SCD5: variants seen among roughly 807,000 people sequenced by gnomAD.
SCD5 encodes stearoyl-CoA desaturase 5, also known as acyl-CoA-desaturase 4.
A neutral mutation model predicts 30.4 loss-of-function variants in SCD5; 20 were observed. The observed-to-expected ratio is 0.66, with a 90% CI of 0.46 to 0.96. The LOEUF (loss-of-function observed/expected upper bound fraction) is 0.96, where lower values mean the gene tolerates loss of function less well. SCD5 is among the 40% of genes least tolerant of loss of function. SCD5 has a pLI of 0.00. For synonymous variants in SCD5, 173 were observed against 176.4 expected, an observed-to-expected ratio of 0.98 and a Z score of 0.16; for missense variants, 381 against 443.3, an observed-to-expected ratio of 0.86 and a Z score of 1.26.
At chr4:82,689,236 G>A (rs1578022335) in intron 2 of SCD5, among the ~76,000 whole-genome samples, 1 of 152,208 alleles carries the variant, frequency 6.6e-6, no homozygotes, top group Non-Finnish European at 1.5e-5. Flanking sequence ...TGCCGGAAAG[G>A]AAGTGCTTAA....
At chr4:82,796,584 G>GT (rs1260220046) in intron 1 of SCD5, among the ~76,000 whole-genome samples, 3 of 152,178 alleles carry the variant, frequency 2.0e-5, no homozygotes, top group Admixed American at 2.0e-4. Flanking sequence ...CTCAGAGGCT[G>GT]TAAGAAGTGG....
chr4:82,747,904 T>A (rs895615299), intron 1 of SCD5, among the ~76,000 whole-genome samples: 1 of 152,112 alleles, frequency 6.6e-6, no homozygotes, highest in Non-Finnish European at 1.5e-5. Flanking sequence ...TTCAGACCTA[T>A]GGAATCAGGA....
chr4:82,737,746 CAG>C (rs2148837803), intron 1 of SCD5, among the ~76,000 whole-genome samples: 1 of 152,242 alleles, frequency 6.6e-6, no homozygotes, highest in South Asian at 2.1e-4. Flanking sequence ...TCTATTAAGG[CAG>C]AGTTTCATGT....
At chr4:82,696,321 G>A (rs932185949) in intron 2 of SCD5, among the ~76,000 whole-genome samples, 2 of 152,146 alleles carry the variant, frequency 1.3e-5, no homozygotes, top group South Asian at 2.1e-4. Flanking sequence ...AGATAATCCC[G>A]TGACGAGAGC....
chr4:82,725,765 TG>T (rs1720455794), intron 1 of SCD5, among the ~76,000 whole-genome samples: 1 of 151,386 alleles, frequency 6.6e-6, no homozygotes, highest in Admixed American at 6.6e-5. Context: ...AAGGCTGAGG[TG>T]GGAAGATCAC....
intron 1 of SCD5, among the ~76,000 whole-genome samples, chr4:82,743,347 C>T (rs971620458): frequency 2.0e-5 from 3 of 151,788 alleles, no homozygotes; most frequent in African/African-American, 7.3e-5. Flanking sequence ...CCCGTATCTA[C>T]AAAAAATAAA....
At chr4:82,644,203 G>A (rs1444346365) in intron 3 of SCD5, among the ~76,000 whole-genome samples, 3 of 152,046 alleles carry the variant, frequency 2.0e-5, no homozygotes, top group Admixed American at 2.0e-4. Context: ...ACTGCACATC[G>A]GTGACTGACC....
In SCD5 at chr4:82,709,141, T is replaced by C. The variant is rs536194810; in HGVS notation, c.233-3728A>G. ...CCTGTGCCCTGGAAGCAGAGTTCATTCTAGCAGGAGGAACTTGAATGAATC... is the reference window on the plus strand; with the variant it reads ...CCTGTGCCCTGGAAGCAGAGTTCATCCTAGCAGGAGGAACTTGAATGAATC... On this transcript the variant is annotated intron_variant, in intron 1 of 4. Coordinates refer to ENST00000319540, the MANE Select transcript of SCD5 (RefSeq NM_001037582.3). Among the ~76,000 whole-genome samples the C allele has an allele frequency of 2.0e-5, 3 of 152,288 alleles. No individual in the cohort carries two copies. The East Asian group carries it at 5.8e-4, about 29-fold the overall frequency.
chr4:82,785,967 T>C lies in SCD5; in HGVS notation c.232+12339A>G, dbSNP rs529656121. On this transcript the variant is annotated intron_variant, in intron 1 of 4. Coordinates refer to ENST00000319540, the MANE Select transcript of SCD5 (RefSeq NM_001037582.3). Reference sequence around the variant, plus strand: ...TCTGCAAAAGCTTCTTACGAACCTATTAGAGGGGTGGGTTGATAAACTATT... The same window carrying C: ...TCTGCAAAAGCTTCTTACGAACCTACTAGAGGGGTGGGTTGATAAACTATT... Among the ~76,000 whole-genome samples, 5 of 152,318 alleles carry C rather than the reference T, an allele frequency of 3.3e-5. No homozygotes were observed. The South Asian group carries it at 1.0e-3, about 32-fold the overall frequency.
chr4:82,681,012 C>A (rs867747083), intron 2 of SCD5, 100 bp from the exon 3 acceptor site: 30 of 935,068 alleles, frequency 3.2e-5, no homozygotes, highest in Middle Eastern at 6.6e-4. Context: ...GTCCTCACTG[C>A]TGGTTTCACT....
intron 3 of SCD5, among the ~76,000 whole-genome samples, chr4:82,674,602 T>G (rs1728395723): frequency 1.3e-5 from 2 of 152,160 alleles, no homozygotes. Flanking sequence ...GATTGTACAA[T>G]CCCACAACTG....
intron 1 of SCD5, among the ~76,000 whole-genome samples, chr4:82,740,912 G>A (rs988740192): frequency 4.7e-5 from 7 of 149,986 alleles, no homozygotes; most frequent in African/African-American, 1.7e-4. Context: ...TAAGACTAAG[G>A]TGGAGTCTCT....
At chr4:82,710,894 CAG>C (rs34374340) in intron 1 of SCD5, among the ~76,000 whole-genome samples, 136,069 of 149,874 alleles carry the variant, frequency 0.91, 61,804 homozygotes, top group East Asian at 0.99. Context: ...GAAAACGAGA[CAG>C]AGAGAGAGAG....
chr4:82,788,334 TC>T (rs1280453649), intron 1 of SCD5, among the ~76,000 whole-genome samples: 1 of 152,112 alleles, frequency 6.6e-6, no homozygotes, highest in Non-Finnish European at 1.5e-5. Flanking sequence ...TAGTAATCCA[TC>T]CCCTTCCCAA....
At chr4:82,687,112 A>C (rs1261133960) in intron 2 of SCD5, among the ~76,000 whole-genome samples, 3 of 151,042 alleles carry the variant, frequency 2.0e-5, no homozygotes, top group Non-Finnish European at 4.4e-5. Flanking sequence ...CTTAGGTTGC[A>C]GGGAGCTGAG....
intron 3 of SCD5, among the ~76,000 whole-genome samples, chr4:82,649,183 GTGTGTGTGT>G (rs1727693873): frequency 1.8e-4 from 2 of 10,934 alleles, no homozygotes; most frequent in Non-Finnish European, 2.8e-4. Flanking sequence ...TGAGAGGGGT[GTGTGTGTGT>G]GTGTGTGTGT....
chr4:82,726,374 G>A (rs1447893170), intron 1 of SCD5, among the ~76,000 whole-genome samples: 2 of 144,342 alleles, frequency 1.4e-5, no homozygotes, highest in African/African-American at 5.2e-5. Context: ...CCATGATTGT[G>A]CCATTGCACT....
chr4:82,670,135 C>CCAAAG (rs946802835), intron 3 of SCD5, among the ~76,000 whole-genome samples: 1 of 152,062 alleles, frequency 6.6e-6, no homozygotes, highest in African/African-American at 2.4e-5. Flanking sequence ...AAGGCAAAAA[C>CCAAAG]CAAAGCAAAA....
chr4:82,763,584 GAAATGTGGACACCCAGAGA>G (rs900255387), intron 1 of SCD5, among the ~76,000 whole-genome samples: 45 of 152,194 alleles, frequency 3.0e-4, no homozygotes, highest in African/African-American at 7.2e-4. Context: ...CATAAGAGGA[GAAATGTGGACACCCAGAGA>G]AAATGTGGAC....
Sources: gnomAD v4.1 joint callset for allele counts (sites outside exome capture counted in the v4.1 genomes callset) on GRCh38, gnomAD v4.1.1 for gene constraint, MANE v1.5 for transcripts, NCBI Gene and HGNC (gene_info 2026-07-23, HGNC 2026-07-21) for gene names.